Variants in MFAP3L observed in about 807,000 individuals in gnomAD.
MFAP3L encodes the protein microfibrillar-associated protein 3-like.
Under a neutral mutation model 20.0 loss-of-function variants are expected in MFAP3L, and 5 were observed. The observed-to-expected ratio is 0.25, with a 90% CI of 0.13 to 0.53. MFAP3L has a LOEUF of 0.53. Ranked by LOEUF, MFAP3L falls within the 20% of genes least tolerant of loss-of-function variation. The pLI is 0.96. For synonymous variants in MFAP3L, 219 were observed against 213.0 expected, an observed-to-expected ratio of 1.03 and a Z score of -0.25; for missense variants, 409 against 527.5, an observed-to-expected ratio of 0.78 and a Z score of 2.20.
At chr4:170,000,197 G>A (rs1738515708) in intron 2 of MFAP3L, among the ~76,000 whole-genome samples, 1 of 152,216 alleles carries the variant, frequency 6.6e-6, no homozygotes, top group South Asian at 2.1e-4. Flanking sequence ...CAGAAGTGAT[G>A]CACCAGGAAA....
At chr4:170,003,711 G>A in intron 2 of MFAP3L, 2 of 985,438 alleles carry the variant, frequency 2.0e-6, no homozygotes, top group Non-Finnish European at 2.4e-6. Flanking sequence ...TCCAGGTCTT[G>A]GGTCTTTCTT....
intron 2 of MFAP3L, among the ~76,000 whole-genome samples, chr4:170,004,031 A>G (rs1738869653): frequency 6.6e-6 from 1 of 152,142 alleles, no homozygotes; most frequent in African/African-American, 2.4e-5. Flanking sequence ...ATCTCTGCTC[A>G]CTGCAACGCC....
chr4:170,025,448 G>C, intron 1 of MFAP3L, among the ~76,000 whole-genome samples: 1 of 152,122 alleles, frequency 6.6e-6, no homozygotes, highest in Non-Finnish European at 1.5e-5. Context: ...ATGACAGTTC[G>C]ATCGTATCTT....
intron 1 of MFAP3L, among the ~76,000 whole-genome samples, chr4:170,010,554 G>C (rs1254378500): frequency 6.6e-6 from 1 of 152,120 alleles, no homozygotes; most frequent in Non-Finnish European, 1.5e-5. Context: ...AAGATGGCGA[G>C]GCTGAAGACA....
Position 169,988,297 on chromosome 4 carries a change from T to G in MFAP3L, c.*3081A>C, listed in dbSNP as rs1433633155. The G allele has an allele frequency of 6.6e-6, 1 of 152,194 alleles. No homozygotes were observed. The highest frequency in any genetic ancestry group is 2.4e-5 in the African/African-American group (1 of 41,444). 9.4% of individuals were successfully genotyped at this position (152,194 alleles called of 1,614,324 possible). A position where few individuals can be genotyped will look rare whatever the true frequency, so the allele number is the denominator to read the frequency against. On this transcript the variant is annotated 3_prime_UTR_variant, in exon 3 of 3. Coordinates refer to ENST00000361618, the MANE Select transcript of MFAP3L (RefSeq NM_021647.8). ...ATTACATAGATTTTTCCATATAAAA[T>G]TGTTTTCCCCATTTAGAATAAATAC...
At chr4:169,998,296 A>T (rs1738349621) in intron 2 of MFAP3L, among the ~76,000 whole-genome samples, 1 of 152,282 alleles carries the variant, frequency 6.6e-6, no homozygotes, top group African/African-American at 2.4e-5. Context: ...TGTAAATACA[A>T]GAGATTCTAT....
rs201716538 is a variant in MFAP3L, at chr4:169,988,121, A to G, written c.*3257T>C. 5 of 152,334 alleles carry G rather than the reference A, an allele frequency of 3.3e-5. No homozygotes were observed. In the East Asian group the frequency reaches 9.6e-4, roughly 29 times the overall value. 9.4% of individuals were successfully genotyped at this position (152,334 alleles called of 1,614,324 possible). ...TTCAGAGATTTTTAGAGCGATTTCTAGAAGCTATATATCACATGTATCACG... is the reference window on the plus strand; with the variant it reads ...TTCAGAGATTTTTAGAGCGATTTCTGGAAGCTATATATCACATGTATCACG... On this transcript the variant is annotated 3_prime_UTR_variant, in exon 3 of 3. Coordinates refer to ENST00000361618, the MANE Select transcript of MFAP3L (RefSeq NM_021647.8).
chr4:169,996,664 G>A (rs1005955354), intron 2 of MFAP3L, among the ~76,000 whole-genome samples: 8 of 152,266 alleles, frequency 5.3e-5, no homozygotes, highest in African/African-American at 1.9e-4. Flanking sequence ...TGAGCCGCTG[G>A]AGCTGACCAC....
chr4:170,017,636 A>C (rs1351119277), intron 1 of MFAP3L, among the ~76,000 whole-genome samples: 1 of 152,206 alleles, frequency 6.6e-6, no homozygotes, highest in Non-Finnish European at 1.5e-5. Flanking sequence ...ATTGTAGCTA[A>C]TTATTTTAAA....
At chr4:170,012,033 A>C (rs1739415575) in intron 1 of MFAP3L, among the ~76,000 whole-genome samples, 1 of 152,180 alleles carries the variant, frequency 6.6e-6, no homozygotes, top group Non-Finnish European at 1.5e-5. Context: ...GGCCCAGAAA[A>C]TGACCGGATA....
intron 2 of MFAP3L, among the ~76,000 whole-genome samples, chr4:170,000,260 C>G (rs1276227718): frequency 1.3e-5 from 2 of 152,160 alleles, no homozygotes; most frequent in African/African-American, 4.8e-5. Flanking sequence ...GCAGTCAGAA[C>G]ATTATTTTGA....
At chr4:170,000,074 C>T (rs1213850106) in intron 2 of MFAP3L, among the ~76,000 whole-genome samples, 1 of 152,142 alleles carries the variant, frequency 6.6e-6, no homozygotes, top group Non-Finnish European at 1.5e-5. Context: ...AGCTGAGAAC[C>T]ACGGGGTTAG....
chr4:170,014,239 AT>A (rs1249808201), intron 1 of MFAP3L, among the ~76,000 whole-genome samples: 1 of 152,176 alleles, frequency 6.6e-6, no homozygotes. Context: ...AGAGATTCGA[AT>A]TTTCATTCTA....
chr4:170,023,962 G>A (rs1018267024), intron 1 of MFAP3L, among the ~76,000 whole-genome samples: 1 of 152,174 alleles, frequency 6.6e-6, no homozygotes, highest in African/African-American at 2.4e-5. Context: ...TGCTGTAAAT[G>A]TCTAATGTCA....
At chr4:170,000,941 T>C (rs950754070) in intron 2 of MFAP3L, among the ~76,000 whole-genome samples, 1 of 152,144 alleles carries the variant, frequency 6.6e-6, no homozygotes, top group African/African-American at 2.4e-5. Flanking sequence ...CAGGCTGATC[T>C]TGAATTCCTG....
intron 1 of MFAP3L, among the ~76,000 whole-genome samples, chr4:170,019,353 C>A (rs1739888608): frequency 6.6e-6 from 1 of 152,144 alleles, no homozygotes; most frequent in South Asian, 2.1e-4. Flanking sequence ...TTGAGACCAG[C>A]CTGGGCAACA....
intron 1 of MFAP3L, among the ~76,000 whole-genome samples, chr4:170,011,937 C>G (rs1739407622): frequency 6.6e-6 from 1 of 152,216 alleles, no homozygotes; most frequent in Middle Eastern, 3.4e-3. Context: ...TACAGAGAAC[C>G]TGGGGAAATG....
At chr4:170,019,959 G>A (rs558627122) in intron 1 of MFAP3L, among the ~76,000 whole-genome samples, 3 of 152,188 alleles carry the variant, frequency 2.0e-5, no homozygotes, top group Non-Finnish European at 4.4e-5. Context: ...CAATGCTTCA[G>A]TCCAAAAGCT....
At chr4:170,003,481 T>C (rs1268357240) in intron 2 of MFAP3L, among the ~76,000 whole-genome samples, 1 of 152,202 alleles carries the variant, frequency 6.6e-6, no homozygotes, top group Non-Finnish European at 1.5e-5. Flanking sequence ...AGTCAGCAGT[T>C]ACAAGGACCT....
Sources: gnomAD v4.1 joint callset for allele counts (sites outside exome capture counted in the v4.1 genomes callset) on GRCh38, gnomAD v4.1.1 for gene constraint, MANE v1.5 for transcripts, NCBI Gene and HGNC (gene_info 2026-07-23, HGNC 2026-07-21) for gene names.